SCAF8: variants seen among roughly 807,000 people sequenced by gnomAD.
SCAF8 encodes SR-related and CTD-associated factor 8.
In SCAF8, 23 loss-of-function variants were observed where a neutral mutation model predicts 140.5. The observed-to-expected ratio is 0.16, with a 90% CI of 0.12 to 0.23. The LOEUF (loss-of-function observed/expected upper bound fraction) is 0.23. Ranked by LOEUF, SCAF8 falls within the 10% of genes least tolerant of loss-of-function variation. SCAF8 has a pLI of 1.00. For missense variants in SCAF8, 1,397 were observed against 1,555.7 expected (o/e 0.90, Z 1.72); for synonymous variants, 575 against 528.9 (o/e 1.09, Z -1.20).
intron 12 of SCAF8, among the ~76,000 whole-genome samples, chr6:154,813,248 A>G (rs1362723758): frequency 6.6e-6 from 1 of 152,020 alleles, no homozygotes; most frequent in African/African-American, 2.4e-5. Flanking sequence ...CTTAAGGCTG[A>G]GTATACTGGC....
Position 154,788,035 on chromosome 6 carries a change from T to C in SCAF8, c.321+13T>C. ...TGGGGATGACAAGGTATGCTACTGG[T>C]TTTTTTTTTTTGTTTTTTTAAAAGT... On this transcript the variant is annotated intron_variant, in intron 4 of 19. Coordinates refer to ENST00000367178, the MANE Select transcript of SCAF8 (RefSeq NM_014892.5). 1.7e-6 allele frequency: 1 copy of C among 605,606 alleles called. No homozygotes were observed. The highest frequency in any genetic ancestry group is 2.3e-6 in the Non-Finnish European group (1 of 430,128). The allele number at this position is 605,606 out of a possible 1,614,324, so 37.5% of individuals were successfully genotyped here. A position where few individuals can be genotyped will look rare whatever the true frequency, so the allele number is the denominator to read the frequency against.
intron 1 of SCAF8, among the ~76,000 whole-genome samples, chr6:154,773,697 A>C (rs1776839412): frequency 6.6e-6 from 1 of 152,222 alleles, no homozygotes; most frequent in Admixed American, 6.5e-5. Flanking sequence ...GCTGTTTTCC[A>C]AAGCTGCTGC....
intron 13 of SCAF8, 24 bp from the exon 14 acceptor site, chr6:154,818,455 T>C: frequency 2.8e-6 from 4 of 1,416,498 alleles, no homozygotes; most frequent in Non-Finnish European, 3.9e-6. Flanking sequence ...TTATACCTTT[T>C]CTTAAAACAA....
intron 18 of SCAF8, among the ~76,000 whole-genome samples, chr6:154,829,998 C>G (rs1175551461): frequency 6.6e-6 from 1 of 152,174 alleles, no homozygotes; most frequent in African/African-American, 2.4e-5. Context: ...ACAAAGTGTT[C>G]AGAAGTCATT....
intron 1 of SCAF8, among the ~76,000 whole-genome samples, chr6:154,744,858 C>T (rs1414634613): frequency 6.6e-6 from 1 of 152,200 alleles, no homozygotes; most frequent in African/African-American, 2.4e-5. Flanking sequence ...TGCTTTCTTA[C>T]TGTCTCTTCA....
chr6:154,785,947 C>T (rs1430862014), intron 3 of SCAF8, among the ~76,000 whole-genome samples: 2 of 152,100 alleles, frequency 1.3e-5, no homozygotes, highest in Middle Eastern at 3.2e-3. Flanking sequence ...TAATGTGATA[C>T]GCTTTAGGAA....
At chr6:154,734,730 C>T (rs540971657) in intron 1 of SCAF8, among the ~76,000 whole-genome samples, 19 of 152,270 alleles carry the variant, frequency 1.2e-4, no homozygotes, top group South Asian at 8.3e-4. Context: ...TATTCAATTT[C>T]TTTTTAAACT....
intron 16 of SCAF8, among the ~76,000 whole-genome samples, chr6:154,823,340 G>C (rs932046005): frequency 6.6e-6 from 1 of 152,190 alleles, no homozygotes; most frequent in Non-Finnish European, 1.5e-5. Flanking sequence ...TTGAGAATAG[G>C]CTGTAGTGAG....
chr6:154,769,728 A>C (rs906264247), intron 1 of SCAF8, among the ~76,000 whole-genome samples: 1 of 152,316 alleles, frequency 6.6e-6, no homozygotes, highest in South Asian at 2.1e-4. Context: ...TTGGAATTAA[A>C]ATTTAGATCT....
intron 15 of SCAF8, among the ~76,000 whole-genome samples, chr6:154,820,561 AAT>A (rs1778390163): frequency 1.3e-5 from 2 of 152,202 alleles, no homozygotes; most frequent in Admixed American, 6.5e-5. Context: ...AGCATTTTAA[AAT>A]ATATGTGTGT....
rs1002713965 is a variant in SCAF8, at chr6:154,802,015, C to G, written c.651C>G (p.Pro217=). Residue 217 remains proline (P), a synonymous_variant, in exon 7 of 20, where the codon CCC becomes CCG. Coordinates refer to ENST00000367178, the MANE Select transcript of SCAF8 (RefSeq NM_014892.5). ...CCTTACAGATACAACAACAGAAGCCCCAGCCTTCCATTCTGCAGGCCCTAG... is the reference window on the plus strand; with the variant it reads ...CCTTACAGATACAACAACAGAAGCCGCAGCCTTCCATTCTGCAGGCCCTAG... ...IQTLQIQQQK[P]QPSILQALDA... 4 of 1,610,046 alleles carry G rather than the reference C, an allele frequency of 2.5e-6. No individual in the cohort carries two copies. In the Admixed American group the frequency reaches 6.7e-5, roughly 27 times the overall value.
At chr6:154,793,758 C>T (rs1382493107) in intron 5 of SCAF8, among the ~76,000 whole-genome samples, 4 of 134,648 alleles carry the variant, frequency 3.0e-5, no homozygotes, top group Non-Finnish European at 4.5e-5. Flanking sequence ...GAGGTTGCAG[C>T]GAGGCGAGAT....
At chr6:154,778,101 T>G in intron 3 of SCAF8, 56 bp downstream of exon 3, 1 of 978,360 alleles carries the variant, frequency 1.0e-6, no homozygotes. Context: ...GCCTGTACTC[T>G]TCTCCTTTAG....
intron 3 of SCAF8, among the ~76,000 whole-genome samples, chr6:154,784,155 A>ATATATATATATATATTTATTTATT (rs1408182952): frequency 2.2e-5 from 2 of 91,996 alleles, no homozygotes; most frequent in African/African-American, 4.0e-5. Context: ...ATATATATAT[A>ATATATATATATATATTTATTTATT]TATTTATTTA....
Position 154,754,276 on chromosome 6 carries a change from T to C in SCAF8, c.31-19713T>C, listed in dbSNP as rs570847537. ...TTTAGGTGTTATTTGATCAGTAGACTCAAAAGCTTTATAATCTTTTGTTTT... is the reference window on the plus strand; with the variant it reads ...TTTAGGTGTTATTTGATCAGTAGACCCAAAAGCTTTATAATCTTTTGTTTT... On this transcript the variant is annotated intron_variant, in intron 1 of 19. Transcript: ENST00000367178. Among the ~76,000 whole-genome samples, 4 of 152,372 alleles carry C rather than the reference T, an allele frequency of 2.6e-5. No individual in the cohort carries two copies. The South Asian group carries it at 6.2e-4, about 24-fold the overall frequency.
intron 2 of SCAF8, among the ~76,000 whole-genome samples, chr6:154,776,162 G>C (rs1172367352): frequency 6.6e-6 from 1 of 151,668 alleles, no homozygotes; most frequent in Non-Finnish European, 1.5e-5. Context: ...TCATAATCCA[G>C]TCAAGATCAC....
intron 3 of SCAF8, 59 bp from the exon 4 acceptor site, chr6:154,787,802 T>C (rs374740819): frequency 9.2e-6 from 13 of 1,417,448 alleles, no homozygotes; most frequent in East Asian, 6.9e-5. Flanking sequence ...ATGATTTTTG[T>C]CTATCAAGAA....
In SCAF8 at chr6:154,733,649, C is replaced by A. The variant is rs985832905; in HGVS notation, c.-252C>A. The A allele has an allele frequency of 1.6e-6, 2 of 1,288,744 alleles. No homozygotes were observed. The highest frequency in any genetic ancestry group is 2.0e-6 in the Non-Finnish European group (2 of 1,021,582). The allele number at this position is 1,288,744 out of a possible 1,614,324, so 79.8% of individuals were successfully genotyped here. ...CCTCCCCCGCCCGCCGCCGACCCGC[C>A]CCGGCAGCGCCTCTGTTCCCTAGAA... On this transcript the variant is annotated 5_prime_UTR_variant, in exon 1 of 20. Transcript: ENST00000367178.
chr6:154,752,640 G>T (rs1778866371), intron 1 of SCAF8, among the ~76,000 whole-genome samples: 1 of 152,194 alleles, frequency 6.6e-6, no homozygotes, highest in Non-Finnish European at 1.5e-5. Context: ...GAATGTGCTA[G>T]ATTATGTTCA....
Sources: gnomAD v4.1 joint callset for allele counts (sites outside exome capture counted in the v4.1 genomes callset) on GRCh38, gnomAD v4.1.1 for gene constraint, MANE v1.5 for transcripts, NCBI Gene and HGNC (gene_info 2026-07-23, HGNC 2026-07-21) for gene names.